CHODL: variants seen among roughly 807,000 people sequenced by gnomAD.
CHODL encodes transmembrane protein MT75.
Under a neutral mutation model 34.5 loss-of-function variants are expected in CHODL, and 29 were observed. The ratio of observed to expected loss-of-function variants is 0.84; its 90% CI spans 0.63 to 1.15. The LOEUF is 1.15. Among genes scored for constraint, CHODL ranks in the 50% most tolerant of loss-of-function variants. The pLI, the probability that CHODL is intolerant of heterozygous loss-of-function variation, is 0.00. For missense variants in CHODL, 332 were observed against 332.5 expected (o/e 1.00, Z 0.01); for synonymous variants, 125 against 116.1 (o/e 1.08, Z -0.49).
chr21:18,196,451 G>A (rs574484660), intron 2 of CHODL, among the ~76,000 whole-genome samples: 6 of 152,208 alleles, frequency 3.9e-5, no homozygotes, highest in South Asian at 2.1e-4. Context: ...GTTTCCTACA[G>A]CATTGCTATA....
At chr21:17,993,726 T>C (rs908873397) in intron 1 of CHODL, among the ~76,000 whole-genome samples, 4 of 152,240 alleles carry the variant, frequency 2.6e-5, no homozygotes, top group African/African-American at 9.6e-5. Context: ...CCTTTGGGAA[T>C]ATATCCAGTA....
Position 18,002,985 on chromosome 21 carries a change from A to C in CHODL, c.-144-24887A>C, listed in dbSNP as rs868402170. On this transcript the variant is annotated intron_variant, in intron 1 of 6. Coordinates refer to the CHODL transcript ENST00000400127. ...AAAAATACAAAAAATTAGCCGGGCG[A>C]GGTGGCGGGCGCCTGTAGTCCCAGC... 4.6e-4 allele frequency among the ~76,000 whole-genome samples: 70 copies of C among 151,900 alleles called. 1 individual carries two copies. Among genetic ancestry groups the C allele is most frequent in the Admixed American group, 3.3e-4 (5 of 15,242 alleles).
intron 2 of CHODL, among the ~76,000 whole-genome samples, chr21:18,173,983 C>T (rs575833259): frequency 8.0e-5 from 12 of 150,188 alleles, no homozygotes; most frequent in East Asian, 1.9e-4. Context: ...ATTTTAAAAA[C>T]GAGTTTCTAA....
intron 1 of CHODL, among the ~76,000 whole-genome samples, chr21:17,926,338 TTAAG>T (rs1418157714): frequency 6.6e-6 from 1 of 151,528 alleles, no homozygotes; most frequent in Non-Finnish European, 1.5e-5. Context: ...GGACAAATGA[TTAAG>T]TAAGCTACTG....
At position 18,266,392 on chromosome 21, in the gene CHODL, CAATGT is replaced by C. The variant is rs371166195; in HGVS notation, c.*361_*365del. The C allele has an allele frequency of 7.6e-4, 335 of 440,484 alleles. No individual in the cohort carries two copies. In the East Asian group the frequency reaches 0.012, roughly 16 times the overall value. 27.3% of individuals were successfully genotyped at this position (440,484 alleles called of 1,614,324 possible). ...CACCTTTCATAAGTTGTTATCTAGT[CAATGT>C]AATGTATATTGTATTGAAATTTACA... On this transcript the variant is annotated 3_prime_UTR_variant, in exon 6 of 6. Transcript: ENST00000299295.
chr21:18,115,975 TTTG>T (rs1013082232), intron 2 of CHODL, among the ~76,000 whole-genome samples: 1 of 152,164 alleles, frequency 6.6e-6, no homozygotes, highest in African/African-American at 2.4e-5. Context: ...TACTGCCTTT[TTTG>T]TTGTTGTTGA....
intron 2 of CHODL, among the ~76,000 whole-genome samples, chr21:18,145,304 G>T (rs2072862724): frequency 2.0e-5 from 3 of 149,030 alleles, no homozygotes; most frequent in Non-Finnish European, 1.5e-5. Context: ...GGGCGCGGTG[G>T]CGGGCGCCTG....
chr21:18,212,540 T>C (rs999911175), intron 2 of CHODL, among the ~76,000 whole-genome samples: 12 of 148,972 alleles, frequency 8.1e-5, no homozygotes, highest in Admixed American at 4.0e-4. Flanking sequence ...GGTGTTTTCA[T>C]TGGATGTACA....
rs772457497 is a variant in CHODL, at chr21:18,194,065, C to G, written c.-44-62444C>G. Among the ~76,000 whole-genome samples the G allele has an allele frequency of 1.1e-4, 17 of 152,054 alleles. 1 individual carries two copies. The South Asian group carries it at 3.3e-3, about 30-fold the overall frequency. On this transcript the variant is annotated intron_variant, in intron 2 of 6. Coordinates refer to the CHODL transcript ENST00000400127. ...ACACCTCTTTCCATTGCCACTGCTA[C>G]CCCCCTGTGAAAAACACAACGATCT...
rs1443694036 is a variant in CHODL at position 18,028,272 on chromosome 21, TTTTCCCCTTCCTTCCTTC to T, written c.-45+302_-45+319del. On this transcript the variant is annotated intron_variant, in intron 2 of 6. Coordinates refer to the CHODL transcript ENST00000400127. ...CTTTTCCTTTTCTTTTTCTTTTTCC[TTTTCCCCTTCCTTCCTTC>T]CTTCCTTCCTTCCTTCCTTCCTTCC... 1.3e-3 allele frequency among the ~76,000 whole-genome samples: 88 copies of T among 70,122 alleles called. 1 individual carries two copies. Among genetic ancestry groups the T allele is most frequent in the African/African-American group, 5.2e-3 (83 of 16,100 alleles). The allele number at this position is 70,122 out of a possible 152,430, so 46.0% of individuals were successfully genotyped here.
At chr21:18,039,756 C>A (rs963038883) in intron 2 of CHODL, among the ~76,000 whole-genome samples, 2 of 151,548 alleles carry the variant, frequency 1.3e-5, no homozygotes, top group African/African-American at 2.4e-5. Flanking sequence ...TTGATGCTAC[C>A]AAAACCTCAA....
chr21:18,097,157 A>G (rs1476727199), intron 2 of CHODL, among the ~76,000 whole-genome samples: 1 of 152,206 alleles, frequency 6.6e-6, no homozygotes, highest in Non-Finnish European at 1.5e-5. Flanking sequence ...TTTCAAATCT[A>G]GAACATGACA....
intron 2 of CHODL, among the ~76,000 whole-genome samples, chr21:18,034,838 T>G (rs1247632703): frequency 6.6e-6 from 1 of 152,076 alleles, no homozygotes; most frequent in Non-Finnish European, 1.5e-5. Flanking sequence ...AAATTTGACT[T>G]TAGGTATATT....
chr21:17,990,533 AC>A (rs2063788938), intron 1 of CHODL, among the ~76,000 whole-genome samples: 1 of 152,112 alleles, frequency 6.6e-6, no homozygotes, highest in Non-Finnish European at 1.5e-5. Flanking sequence ...CATTTCCACT[AC>A]GGTTTCAAGT....
chr21:18,120,066 A>C (rs910852985), intron 2 of CHODL, among the ~76,000 whole-genome samples: 1 of 152,190 alleles, frequency 6.6e-6, no homozygotes, highest in Admixed American at 6.6e-5. Flanking sequence ...GGCGAAAAAT[A>C]TTCCCCAGTA....
intron 1 of CHODL, among the ~76,000 whole-genome samples, chr21:17,929,482 G>A (rs1456222575): frequency 6.6e-6 from 1 of 152,210 alleles, no homozygotes; most frequent in Non-Finnish European, 1.5e-5. Flanking sequence ...CTAAAAGAGA[G>A]AGCACAACGG....
intron 2 of CHODL, among the ~76,000 whole-genome samples, chr21:18,131,613 A>C (rs1016987239): frequency 2.6e-5 from 4 of 152,114 alleles, no homozygotes; most frequent in African/African-American, 9.7e-5. Flanking sequence ...TCTTTGCTTT[A>C]AAACTTATTT....
At chr21:17,955,607 A>G (rs1456055814) in intron 1 of CHODL, among the ~76,000 whole-genome samples, 2 of 137,190 alleles carry the variant, frequency 1.5e-5, no homozygotes, top group Non-Finnish European at 3.3e-5. Context: ...AGACCAGCTT[A>G]TCTTAGAGTT....
intron 5 of CHODL, among the ~76,000 whole-genome samples, chr21:18,264,657 C>A (rs2074429102): frequency 7.0e-6 from 1 of 143,310 alleles, no homozygotes; most frequent in African/African-American, 2.6e-5. Flanking sequence ...AACTCAGGAA[C>A]AGGGAACTTC....
Sources: gnomAD v4.1 joint callset for allele counts (sites outside exome capture counted in the v4.1 genomes callset) on GRCh38, gnomAD v4.1.1 for gene constraint, MANE v1.5 for transcripts, NCBI Gene and HGNC (gene_info 2026-07-23, HGNC 2026-07-21) for gene names.